CPNE4: variants seen among roughly 807,000 people sequenced by gnomAD.
CPNE4 encodes copine-4.
A neutral mutation model predicts 67.9 loss-of-function variants in CPNE4; 25 were observed. The ratio of observed to expected loss-of-function variants is 0.37; its 90% confidence interval spans 0.27 to 0.51. CPNE4 has a LOEUF of 0.51. CPNE4 is among the 20% of genes least tolerant of loss of function. CPNE4 has a pLI of 0.93. For synonymous variants in CPNE4, 242 were observed against 244.9 expected (o/e 0.99, Z 0.11); for missense variants, 464 against 690.8 (o/e 0.67, Z 3.68).
At chr3:131,635,182 C>A (rs12634351) in intron 7 of CPNE4, among the ~76,000 whole-genome samples, 44,080 of 151,998 alleles carry the variant, frequency 0.29, 9,914 homozygotes, top group African/African-American at 0.63. Flanking sequence ...CTAAGAGCTG[C>A]AGTTGTAAAA....
At chr3:131,536,322 T>C (rs1935142555) in intron 15 of CPNE4, among the ~76,000 whole-genome samples, 1 of 152,248 alleles carries the variant, frequency 6.6e-6, no homozygotes, top group African/African-American at 2.4e-5. Context: ...ATATCATACA[T>C]GGACTCTGGA....
chr3:131,798,884 C>T (rs2083994507), intron 2 of CPNE4, among the ~76,000 whole-genome samples: 1 of 152,036 alleles, frequency 6.6e-6, no homozygotes, highest in Non-Finnish European at 1.5e-5. Context: ...TACTTGGAAG[C>T]TTTTATTTTT....
intron 2 of CPNE4, among the ~76,000 whole-genome samples, chr3:131,794,735 T>C (rs1027543278): frequency 6.6e-6 from 1 of 152,260 alleles, no homozygotes; most frequent in Non-Finnish European, 1.5e-5. Context: ...AGGTAGATGT[T>C]CTTCCTTATG....
intron 1 of CPNE4, among the ~76,000 whole-genome samples, chr3:132,021,930 G>C (rs955584504): frequency 1.3e-5 from 2 of 152,096 alleles, no homozygotes; most frequent in Non-Finnish European, 1.5e-5. Flanking sequence ...TAGAAGTTTC[G>C]ATCTAAGTAA....
At chr3:131,557,334 GT>G (rs1301903137) in intron 11 of CPNE4, among the ~76,000 whole-genome samples, 4 of 152,004 alleles carry the variant, frequency 2.6e-5, no homozygotes, top group African/African-American at 9.7e-5. Flanking sequence ...AGGGCTCACT[GT>G]CCTAAACATC....
chr3:131,535,091 T>G lies in CPNE4; in HGVS notation c.*104A>C. The stretch of plus-strand genomic sequence containing the variant: ...CACCAAAACGTGCTATTTTTAAATG[T>G]GTATATGTTGTTGGTTTTTTAAAGT... On this transcript the variant is annotated 3_prime_UTR_variant, in exon 16 of 16. Transcript: ENST00000429747. 1 of 1,218,098 alleles carries G rather than the reference T, an allele frequency of 8.2e-7. No individual in the cohort carries two copies. The highest frequency in any genetic ancestry group is 1.1e-6 in the Non-Finnish European group (1 of 886,710). 75.5% of individuals were successfully genotyped at this position (1,218,098 alleles called of 1,614,324 possible).
intron 7 of CPNE4, among the ~76,000 whole-genome samples, chr3:131,635,439 A>G (rs1298748450): frequency 2.0e-5 from 3 of 152,230 alleles, no homozygotes; most frequent in Non-Finnish European, 2.9e-5. Flanking sequence ...TTAGATCAAT[A>G]TATCTATTCC....
At chr3:131,687,644 A>C (rs2080926044) in intron 5 of CPNE4, among the ~76,000 whole-genome samples, 1 of 152,204 alleles carries the variant, frequency 6.6e-6, no homozygotes, top group Non-Finnish European at 1.5e-5. Flanking sequence ...ATTTTGCCTT[A>C]CTATCAATGT....
intron 2 of CPNE4, among the ~76,000 whole-genome samples, chr3:131,891,668 G>A (rs1348668442): frequency 6.6e-6 from 1 of 152,032 alleles, no homozygotes; most frequent in Non-Finnish European, 1.5e-5. Context: ...AGTGAGAACA[G>A]GTGGTATTTG....
At chr3:131,561,809 A>G (rs1936782187) in intron 11 of CPNE4, among the ~76,000 whole-genome samples, 1 of 151,912 alleles carries the variant, frequency 6.6e-6, no homozygotes, top group South Asian at 2.1e-4. Flanking sequence ...AAATTTCCTG[A>G]CTCTGCCTGT....
chr3:131,599,409 C>A (rs1283538039), intron 7 of CPNE4, among the ~76,000 whole-genome samples: 1 of 152,118 alleles, frequency 6.6e-6, no homozygotes, highest in Non-Finnish European at 1.5e-5. Context: ...ATCAACCTAG[C>A]TGCTAGGATG....
intron 2 of CPNE4, among the ~76,000 whole-genome samples, chr3:131,758,828 T>C (rs561050680): frequency 2.6e-5 from 4 of 152,118 alleles, no homozygotes; most frequent in Non-Finnish European, 4.4e-5. Context: ...GAGATCTGAT[T>C]GGCTCATCTG....
chr3:131,551,388 G>A (rs371207353), intron 13 of CPNE4, among the ~76,000 whole-genome samples: 12 of 152,162 alleles, frequency 7.9e-5, no homozygotes, highest in African/African-American at 2.9e-4. Flanking sequence ...AAGCAAGTTT[G>A]ATTTCCTCTT....
intron 7 of CPNE4, among the ~76,000 whole-genome samples, chr3:131,651,615 T>C (rs1257711911): frequency 1.3e-5 from 2 of 152,178 alleles, no homozygotes; most frequent in Non-Finnish European, 2.9e-5. Flanking sequence ...TTCAGGTTCT[T>C]CCCTCAAGAG....
Position 131,747,118 on chromosome 3 carries a change from GTTT to G in CPNE4, c.181-23496_181-23494del, listed in dbSNP as rs60764409. ...TCTTTTGCCTCTGTTTTAAAATCATGTTTTTTTTTTTTTTCTCTTGTTGTTGAG... is the reference window on the plus strand; with the variant it reads ...TCTTTTGCCTCTGTTTTAAAATCATGTTTTTTTTTTTCTCTTGTTGTTGAG... On this transcript the variant is annotated intron_variant, in intron 2 of 15. Transcript: ENST00000429747. 5.8e-4 allele frequency among the ~76,000 whole-genome samples: 83 copies of G among 142,872 alleles called. 1 individual carries two copies. In the South Asian group the frequency reaches 9.6e-3, roughly 17 times the overall value. The allele number at this position is 142,872 out of a possible 152,430, so 93.7% of individuals were successfully genotyped here. A position where few individuals can be genotyped will look rare whatever the true frequency, so the allele number is the denominator to read the frequency against.
chr3:131,690,460 A>G (rs1026488948), intron 5 of CPNE4, among the ~76,000 whole-genome samples: 1 of 152,172 alleles, frequency 6.6e-6, no homozygotes, highest in Non-Finnish European at 1.5e-5. Context: ...TATTCAATAA[A>G]CAATGCTGGG....
intron 1 of CPNE4, among the ~76,000 whole-genome samples, chr3:131,940,456 T>C: frequency 6.6e-6 from 1 of 152,134 alleles, no homozygotes; most frequent in East Asian, 1.9e-4. Context: ...TTACCTTTCA[T>C]GTATAAAAAG....
chr3:131,867,521 C>A (rs775390400), intron 2 of CPNE4, among the ~76,000 whole-genome samples: 1 of 92,038 alleles, frequency 1.1e-5, no homozygotes, highest in African/African-American at 3.4e-5. Flanking sequence ...GGAAGGCATG[C>A]GGGTGGGGGG....
intron 1 of CPNE4, among the ~76,000 whole-genome samples, chr3:131,938,641 G>A (rs4854861): frequency 0.18 from 26,626 of 151,946 alleles, 2,647 homozygotes; most frequent in East Asian, 0.31. Context: ...AGAGAGAGAA[G>A]GGGGAAACTG....
Sources: gnomAD v4.1 joint callset for allele counts (sites outside exome capture counted in the v4.1 genomes callset) on GRCh38, gnomAD v4.1.1 for gene constraint, MANE v1.5 for transcripts, NCBI Gene and HGNC (gene_info 2026-07-23, HGNC 2026-07-21) for gene names.